RNF168: variants seen among roughly 807,000 people sequenced by gnomAD.
RNF168 encodes ring finger protein 168, also known as E3 ubiquitin-protein ligase RNF168.
A neutral mutation model predicts 34.9 loss-of-function variants in RNF168; 34 were observed. The ratio of observed to expected loss-of-function variants is 0.97; its 90% CI spans 0.74 to 1.30. The LOEUF (loss-of-function observed/expected upper bound fraction) is 1.30, where lower values mean the gene tolerates loss of function less well. Among genes scored for constraint, RNF168 ranks in the 50% most tolerant of loss-of-function variants. The pLI, the probability that RNF168 is intolerant of heterozygous loss-of-function variation, is 0.00. For synonymous variants in RNF168, 264 were observed against 254.7 expected (o/e 1.04, Z -0.35); for missense variants, 725 against 682.5 (o/e 1.06, Z -0.69).
rs143987531 is a variant in RNF168 at position 196,472,552 on chromosome 3, A to G, written c.983T>C (p.Leu328Ser). Residue 328 changes from leucine (L) to serine (S), a missense_variant, in exon 6 of 6, where the codon TTA becomes TCA. Coordinates refer to ENST00000318037, the MANE Select transcript of RNF168 (RefSeq NM_152617.4). The part of the protein sequence containing the change: ...PSNHGKELCV[L>S]SHERPKTRVP... Reference sequence around the variant, plus strand: ...TCTGGTTTTAGGTCGCTCGTGACTTAAGACACATAACTCTTTCCCATGATT... The same window carrying G: ...TCTGGTTTTAGGTCGCTCGTGACTTGAGACACATAACTCTTTCCCATGATT... 6.2e-7 allele frequency: 1 copy of G among 1,614,200 alleles called. No homozygotes were observed. Among genetic ancestry groups the G allele is most frequent in the African/African-American group, 1.3e-5 (1 of 75,048 alleles).
intron 4 of RNF168, among the ~76,000 whole-genome samples, chr3:196,483,236 C>A (rs1732339564): frequency 6.6e-6 from 1 of 152,028 alleles, no homozygotes; most frequent in South Asian, 2.1e-4. Context: ...AACCAGAAGT[C>A]CTTATGTATT....
At chr3:196,488,765 TA>T (rs1186898372) in intron 1 of RNF168, 82 bp from the exon 2 acceptor site, 2 of 795,362 alleles carry the variant, frequency 2.5e-6, no homozygotes, top group Non-Finnish European at 4.4e-6. Flanking sequence ...AACGAAAAAT[TA>T]AAATATACAA....
In RNF168 at chr3:196,483,881, C is replaced by T. The variant is rs767464802; in HGVS notation, c.569G>A (p.Cys190Tyr). 5 of 1,607,976 alleles carry T rather than the reference C, an allele frequency of 3.1e-6. No homozygotes were observed. Among genetic ancestry groups the T allele is most frequent in the East Asian group, 4.5e-5 (2 of 44,816 alleles). ...RKLSIDINNF[C>Y]EGSISASPLN... ...GGGAGAAGCCGAGATACTTCCCTCA[C>T]AGAAATTGTTCTTCAACAATAGAAA... The change falls in exon 4 of 6, where the codon TGT (cysteine) becomes TAT (tyrosine). Residue 190 changes from cysteine to tyrosine, a missense_variant. Physicochemically the swap from Cys to Tyr is radical, Grantham distance 194 (BLOSUM62 -2). Coordinates refer to ENST00000318037, the MANE Select transcript of RNF168 (RefSeq NM_152617.4).
intron 1 of RNF168, among the ~76,000 whole-genome samples, chr3:196,499,269 G>T (rs770710028): frequency 2.0e-5 from 3 of 152,044 alleles, no homozygotes; most frequent in Non-Finnish European, 4.4e-5. Context: ...GAGTGACTCA[G>T]CTGCAAACCA....
Position 196,471,649 on chromosome 3 carries a change from G to A in RNF168, c.*170C>T. 10 of 645,436 alleles carry A rather than the reference G, an allele frequency of 1.5e-5. No individual in the cohort carries two copies. 40.0% of individuals were successfully genotyped at this position (645,436 alleles called of 1,614,324 possible). ...GGGGACCCCTGCTTACCGCTGAGCTGTGCAGAAGCTCATGTGTCTATGCAG... is the reference window on the plus strand; with the variant it reads ...GGGGACCCCTGCTTACCGCTGAGCTATGCAGAAGCTCATGTGTCTATGCAG... On this transcript the variant is annotated 3_prime_UTR_variant, in exon 6 of 6. Transcript: ENST00000318037.
chr3:196,483,731 T>TAGG, intron 4 of RNF168, 39 bp downstream of exon 4: 1 of 1,564,886 alleles, frequency 6.4e-7, no homozygotes, highest in Non-Finnish European at 8.8e-7. Context: ...TGGCATACAG[T>TAGG]AGGAGGTCAA....
intron 4 of RNF168, among the ~76,000 whole-genome samples, chr3:196,477,550 A>G (rs73891251): frequency 1.4e-4 from 21 of 152,320 alleles, no homozygotes; most frequent in African/African-American, 4.8e-4. Context: ...AGTTGAAAAG[A>G]AGCTTAGTCT....
intron 2 of RNF168, among the ~76,000 whole-genome samples, chr3:196,487,906 TC>T (rs1382860940): frequency 2.0e-5 from 3 of 152,192 alleles, no homozygotes; most frequent in Non-Finnish European, 4.4e-5. Context: ...ACATAATGCT[TC>T]ACTATAAACA....
intron 4 of RNF168, among the ~76,000 whole-genome samples, chr3:196,478,503 G>A (rs989402875): frequency 6.6e-6 from 1 of 152,088 alleles, no homozygotes; most frequent in South Asian, 2.1e-4. Flanking sequence ...CACGGGAGTC[G>A]CTCTCGGCCT....
At position 196,475,319 on chromosome 3, in the gene RNF168, G is replaced by A; in HGVS notation, c.681-7C>T. 1 of 1,573,546 alleles carries A rather than the reference G, an allele frequency of 6.4e-7. No homozygotes were observed. Reference sequence around the variant, plus strand: ...AGATTTCGGTGTCAAATACCTAAAAGAAAAGTTTACCAAAGTTTCAATGCT... The same window carrying A: ...AGATTTCGGTGTCAAATACCTAAAAAAAAAGTTTACCAAAGTTTCAATGCT... On this transcript the variant is annotated splice_polypyrimidine_tract_variant and splice_region_variant and intron_variant, in intron 4 of 5. Coordinates refer to ENST00000318037, the MANE Select transcript of RNF168 (RefSeq NM_152617.4).
intron 2 of RNF168, 144 bp downstream of exon 2, chr3:196,488,463 C>CA (rs1293429078): frequency 1.7e-5 from 9 of 527,162 alleles, no homozygotes; most frequent in Non-Finnish European, 2.7e-5. Context: ...GCCTGGGTGA[C>CA]AGAGTGAGAC....
Position 196,489,871 on chromosome 3 carries a change from G to A in RNF168, c.302-1188C>T, listed in dbSNP as rs561157823. The stretch of plus-strand genomic sequence containing the variant: ...GTTAAATCAGAATCCTCGACTTACC[G>A]GCATTTCTCCCTGGATATGGGTGCA... On this transcript the variant is annotated intron_variant, in intron 1 of 5. Transcript: ENST00000318037. Among the ~76,000 whole-genome samples the A allele has an allele frequency of 2.6e-5, 4 of 152,228 alleles. No individual in the cohort carries two copies. In the East Asian group the frequency reaches 5.8e-4, roughly 22 times the overall value.
chr3:196,497,290 GATACCC>G (rs1187151947), intron 1 of RNF168, among the ~76,000 whole-genome samples: 1 of 152,080 alleles, frequency 6.6e-6, no homozygotes, highest in African/African-American at 2.4e-5. Context: ...AGAAATAACT[GATACCC>G]ATATGGGAAA....
intron 3 of RNF168, among the ~76,000 whole-genome samples, chr3:196,484,845 G>A (rs1312036078): frequency 6.6e-6 from 1 of 151,976 alleles, no homozygotes; most frequent in Non-Finnish European, 1.5e-5. Flanking sequence ...TTGTAAAGAT[G>A]AGGTCTCACT....
chr3:196,502,937 T>C lies in RNF168; in HGVS notation c.237A>G (p.Ile79Met), dbSNP rs148808853. The C allele has an allele frequency of 4.2e-5, 68 of 1,614,024 alleles. No individual in the cohort carries two copies. Among genetic ancestry groups the C allele is most frequent in the Non-Finnish European group, 5.3e-5 (62 of 1,180,010 alleles). ...NSLVNVELWT[I>M]IQKHYPRECK... ...ACTCCCTGGGATAGTGTTTTTGAAT[T>C]ATCGTCCACAGTTCCACGTTGACGA... is the stretch of plus-strand genomic sequence containing the variant. Residue 79 changes from isoleucine to methionine, a missense_variant, in exon 1 of 6, where the codon ATA (isoleucine) becomes ATG (methionine). Coordinates refer to ENST00000318037, the MANE Select transcript of RNF168 (RefSeq NM_152617.4).
chr3:196,487,130 G>A (rs768828789), intron 3 of RNF168, among the ~76,000 whole-genome samples: 4 of 152,220 alleles, frequency 2.6e-5, no homozygotes, highest in Non-Finnish European at 4.4e-5. Context: ...TTTAAGTAAA[G>A]CAAAAATGTT....
At chr3:196,478,168 T>G (rs983263578) in intron 4 of RNF168, among the ~76,000 whole-genome samples, 2 of 152,200 alleles carry the variant, frequency 1.3e-5, no homozygotes, top group African/African-American at 4.8e-5. Flanking sequence ...TCCTTGAGTC[T>G]GAATTTTTGG....
chr3:196,491,894 A>G (rs1421171710), intron 1 of RNF168, among the ~76,000 whole-genome samples: 2 of 152,206 alleles, frequency 1.3e-5, no homozygotes, highest in Admixed American at 1.3e-4. Context: ...AAGGACAGAC[A>G]CTGTGTGGGG....
At chr3:196,486,623 C>G (rs143377480) in intron 3 of RNF168, among the ~76,000 whole-genome samples, 1 of 152,322 alleles carries the variant, frequency 6.6e-6, no homozygotes, top group East Asian at 1.9e-4. Context: ...CCCGAGCCAT[C>G]GCACCCTGGC....
Sources: allele counts gnomAD v4.1 joint callset (sites outside exome capture counted in the v4.1 genomes callset), GRCh38; gene constraint gnomAD v4.1.1; transcripts MANE v1.5; gene names NCBI Gene and HGNC (gene_info 2026-07-23, HGNC 2026-07-21).